The following CENPP variants were observed in gnomAD, a reference collection of about 807,000 sequenced individuals.
CENPP encodes the protein centromere protein P.
CENPP carries 24 observed loss-of-function variants against 35.6 expected under a neutral mutation model. The ratio of observed to expected loss-of-function variants is 0.67; its 90% CI spans 0.49 to 0.95. The LOEUF is 0.95. Among genes scored for constraint, CENPP ranks in the 40% least tolerant of loss-of-function variants. CENPP has a pLI of 0.00. For synonymous variants in CENPP, 120 were observed against 125.5 expected, an observed-to-expected ratio of 0.96 and a Z score of 0.29; for missense variants, 332 against 345.3, an observed-to-expected ratio of 0.96 and a Z score of 0.31.
intron 5 of CENPP, among the ~76,000 whole-genome samples, chr9:92,533,748 G>C (rs1323605913): frequency 1.3e-5 from 2 of 152,026 alleles, no homozygotes; most frequent in Non-Finnish European, 2.9e-5. Context: ...ATCTGAAAAT[G>C]TCATTGTTTA....
chr9:92,543,577 A>C (rs1341707823), intron 5 of CENPP, among the ~76,000 whole-genome samples: 1 of 151,850 alleles, frequency 6.6e-6, no homozygotes, highest in Non-Finnish European at 1.5e-5. Context: ...GTTAAGAATG[A>C]CATTGAAAAA....
intron 5 of CENPP, chr9:92,417,287 A>G (rs759947905): frequency 1.9e-6 from 3 of 1,614,124 alleles, no homozygotes; most frequent in African/African-American, 1.3e-5. Flanking sequence ...CTGAATGTGC[A>G]TCGGAATATT....
intron 5 of CENPP, among the ~76,000 whole-genome samples, chr9:92,577,800 T>G (rs1233322688): frequency 6.6e-6 from 1 of 151,788 alleles, no homozygotes. Context: ...ATTTATTTAT[T>G]TATTTATTAT....
intron 5 of CENPP, among the ~76,000 whole-genome samples, chr9:92,420,574 T>G (rs1843759714): frequency 6.6e-6 from 1 of 152,218 alleles, no homozygotes; most frequent in South Asian, 2.1e-4. Context: ...ACGCTACTGT[T>G]TTGTAACTTT....
intron 5 of CENPP, among the ~76,000 whole-genome samples, chr9:92,588,971 G>C (rs1194866958): frequency 6.6e-6 from 1 of 152,024 alleles, no homozygotes; most frequent in Non-Finnish European, 1.5e-5. Context: ...GAAATTTAAG[G>C]GGACAAATAT....
intron 5 of CENPP, among the ~76,000 whole-genome samples, chr9:92,477,496 G>A (rs1399634985): frequency 6.6e-6 from 1 of 152,128 alleles, no homozygotes; most frequent in African/African-American, 2.4e-5. Context: ...TTACAGCTCT[G>A]TCTTCTAGGT....
At chr9:92,610,197 T>C (rs952904474) in intron 5 of CENPP, among the ~76,000 whole-genome samples, 1 of 152,200 alleles carries the variant, frequency 6.6e-6, no homozygotes, top group African/African-American at 2.4e-5. Flanking sequence ...CTGGGACTAC[T>C]GGCACGTGCC....
chr9:92,505,588 C>T (rs763096769), intron 5 of CENPP: 24 of 1,609,022 alleles, frequency 1.5e-5, no homozygotes, highest in South Asian at 7.8e-5. Flanking sequence ...TTTTCCCAGA[C>T]GCAAGTAGGC....
chr9:92,545,960 C>T (rs1382047916), intron 5 of CENPP, among the ~76,000 whole-genome samples: 2 of 151,746 alleles, frequency 1.3e-5, no homozygotes, highest in African/African-American at 2.4e-5. Flanking sequence ...CTCTGTCTAG[C>T]TCAGGGTTTG....
intron 5 of CENPP, among the ~76,000 whole-genome samples, chr9:92,602,418 C>G (rs556980027): frequency 4.9e-4 from 75 of 152,248 alleles, no homozygotes; most frequent in African/African-American, 1.7e-3. Context: ...CCATGGAGCA[C>G]AGTGGTGGGG....
At chr9:92,501,547 C>T (rs528530750) in intron 5 of CENPP, among the ~76,000 whole-genome samples, 1 of 152,246 alleles carries the variant, frequency 6.6e-6, no homozygotes, top group African/African-American at 2.4e-5. Context: ...GGACTTGAGG[C>T]GAGCCTGAGG....
chr9:92,385,484 C>A, intron 5 of CENPP: 1 of 740,836 alleles, frequency 1.3e-6, no homozygotes, highest in Non-Finnish European at 2.2e-6. Flanking sequence ...TTTTGAACAT[C>A]CTTGCTTAAA....
intron 5 of CENPP, among the ~76,000 whole-genome samples, chr9:92,405,768 T>C (rs1210183404): frequency 6.6e-6 from 1 of 152,208 alleles, no homozygotes; most frequent in Non-Finnish European, 1.5e-5. Context: ...CTTTGATGCT[T>C]TGTACTACAG....
At chr9:92,373,274 A>G (rs1842050897) in intron 4 of CENPP, among the ~76,000 whole-genome samples, 2 of 151,960 alleles carry the variant, frequency 1.3e-5, no homozygotes, top group African/African-American at 2.4e-5. Flanking sequence ...TTAAAAATAT[A>G]TATATATATT....
intron 5 of CENPP, chr9:92,459,538 T>C: frequency 2.4e-6 from 3 of 1,232,404 alleles, no homozygotes; most frequent in Non-Finnish European, 3.4e-6. Context: ...TCACCCTTGC[T>C]GCTTACTTGG....
chr9:92,369,967 C>A (rs1588066329), intron 4 of CENPP, among the ~76,000 whole-genome samples: 1 of 152,034 alleles, frequency 6.6e-6, no homozygotes, highest in East Asian at 1.9e-4. Flanking sequence ...TATATGTAGC[C>A]TGTATTATTT....
Position 92,358,444 on chromosome 9 carries a change from A to G in CENPP, c.467+12657A>G, listed in dbSNP as rs1460937158. ...TTTTTAGTAGAGATGGGGTTTCACCATGTTGGTGTGGCTGGTCTTGAACTC... is the reference window on the plus strand; with the variant it reads ...TTTTTAGTAGAGATGGGGTTTCACCGTGTTGGTGTGGCTGGTCTTGAACTC... On this transcript the variant is annotated intron_variant, in intron 4 of 7. Coordinates refer to ENST00000375587, the MANE Select transcript of CENPP (RefSeq NM_001012267.3). Among the ~76,000 whole-genome samples, 2 of 152,040 alleles carry G rather than the reference A, an allele frequency of 1.3e-5. 1 individual carries two copies. Among genetic ancestry groups the G allele is most frequent in the Non-Finnish European group, 2.9e-5 (2 of 68,006 alleles).
At chr9:92,410,614 C>G (rs543184766) in intron 5 of CENPP, among the ~76,000 whole-genome samples, 1 of 152,286 alleles carries the variant, frequency 6.6e-6, no homozygotes, top group South Asian at 2.1e-4. Flanking sequence ...TTAGTAGTCT[C>G]TCTTGTCCAC....
chr9:92,591,215 C>G (rs1850655983), intron 5 of CENPP, among the ~76,000 whole-genome samples: 2 of 151,814 alleles, frequency 1.3e-5, no homozygotes, highest in Non-Finnish European at 2.9e-5. Flanking sequence ...GTCAGGAGAT[C>G]AAGACCATCC....
Sources: gnomAD v4.1 joint callset for allele counts (sites outside exome capture counted in the v4.1 genomes callset) on GRCh38, gnomAD v4.1.1 for gene constraint, MANE v1.5 for transcripts, NCBI Gene and HGNC (gene_info 2026-07-23, HGNC 2026-07-21) for gene names.